The following GLIS3 variants were observed in gnomAD, a reference collection of about 807,000 sequenced individuals.
GLIS3 encodes the protein zinc finger protein GLIS3.
A neutral mutation model predicts 78.6 loss-of-function variants in GLIS3; 53 were observed. The observed-to-expected ratio is 0.67, with a 90% confidence interval of 0.54 to 0.85. The LOEUF (loss-of-function observed/expected upper bound fraction) is 0.85. Ranked by LOEUF, GLIS3 falls within the 40% of genes least tolerant of loss-of-function variation. The pLI is 0.00. For synonymous variants in GLIS3, 684 were observed against 509.9 expected, an observed-to-expected ratio of 1.34 and a Z score of -4.60; for missense variants, 1,703 against 1,231.1, an observed-to-expected ratio of 1.38 and a Z score of -5.74.
intron 2 of GLIS3, among the ~76,000 whole-genome samples, chr9:4,254,790 A>G (rs1008736278): frequency 2.0e-5 from 3 of 151,776 alleles, no homozygotes; most frequent in Non-Finnish European, 4.4e-5. Context: ...TAGTGAGCCA[A>G]GACCGTGCCA....
chr9:4,243,398 G>GCGCACA (rs556682295), intron 2 of GLIS3, among the ~76,000 whole-genome samples: 1 of 150,900 alleles, frequency 6.6e-6, no homozygotes, highest in African/African-American at 2.4e-5. Context: ...ACACATACAC[G>GCGCACA]CACACACACA....
At chr9:4,316,270 G>A (rs1817435723) in intron 2 of GLIS3, among the ~76,000 whole-genome samples, 1 of 152,192 alleles carries the variant, frequency 6.6e-6, no homozygotes, top group African/African-American at 2.4e-5. Flanking sequence ...TCCAGTGACT[G>A]CTCACATAAC....
At chr9:3,873,451 G>C (rs1213767337) in intron 8 of GLIS3, among the ~76,000 whole-genome samples, 2 of 152,102 alleles carry the variant, frequency 1.3e-5, no homozygotes, top group Admixed American at 6.5e-5. Flanking sequence ...AACATCAAGA[G>C]AATGGGCGCA....
intron 1 of GLIS3, among the ~76,000 whole-genome samples, chr9:4,347,756 G>A (rs1034078880): frequency 6.6e-6 from 1 of 151,870 alleles, no homozygotes; most frequent in South Asian, 2.1e-4. Flanking sequence ...GTGGGGGTTG[G>A]GGGAGTCTAT....
At chr9:4,124,788 T>A (rs1411784982) in intron 3 of GLIS3, among the ~76,000 whole-genome samples, 1 of 152,154 alleles carries the variant, frequency 6.6e-6, no homozygotes, top group Non-Finnish European at 1.5e-5. Flanking sequence ...CATAGCAGGT[T>A]ACAGATCCTA....
At chr9:3,882,366 T>C (rs1465253669) in intron 7 of GLIS3, among the ~76,000 whole-genome samples, 2 of 152,084 alleles carry the variant, frequency 1.3e-5, no homozygotes, top group African/African-American at 4.8e-5. Flanking sequence ...TGTACCAGAG[T>C]GGCTAAATGT....
chr9:4,271,844 C>G (rs534692480), intron 2 of GLIS3, among the ~76,000 whole-genome samples: 1 of 152,166 alleles, frequency 6.6e-6, no homozygotes, highest in Non-Finnish European at 1.5e-5. Flanking sequence ...GTTTAAGATA[C>G]AAGACTGTGG....
At chr9:4,051,107 T>A (rs1391486591) in intron 4 of GLIS3, among the ~76,000 whole-genome samples, 1 of 152,182 alleles carries the variant, frequency 6.6e-6, no homozygotes, top group Admixed American at 6.5e-5. Flanking sequence ...AAATTCTCCT[T>A]GTTCTCCCAG....
At chr9:3,842,663 T>C (rs1457619033) in intron 9 of GLIS3, among the ~76,000 whole-genome samples, 1 of 152,192 alleles carries the variant, frequency 6.6e-6, no homozygotes, top group African/African-American at 2.4e-5. Context: ...CCTTGGCATG[T>C]GTGTTGAACA....
intron 2 of GLIS3, among the ~76,000 whole-genome samples, chr9:4,235,820 T>A (rs1411019728): frequency 1.3e-5 from 2 of 152,208 alleles, no homozygotes; most frequent in South Asian, 2.1e-4. Flanking sequence ...TGGTGAAAAC[T>A]GATTAAAGAG....
At chr9:3,948,729 A>G (rs539567358) in intron 4 of GLIS3, among the ~76,000 whole-genome samples, 1 of 152,230 alleles carries the variant, frequency 6.6e-6, no homozygotes, top group Non-Finnish European at 1.5e-5. Context: ...TGGCCTTTGC[A>G]TTGAATTTAA....
chr9:4,466,616 C>G, the GLIS3 span, among the ~76,000 whole-genome samples: 1 of 152,116 alleles, frequency 6.6e-6, no homozygotes, highest in African/African-American at 2.4e-5. Context: ...ACTGGAAATG[C>G]AGGTTGGTGT....
chr9:4,198,809 G>C (rs1819102125), intron 2 of GLIS3, among the ~76,000 whole-genome samples: 1 of 152,122 alleles, frequency 6.6e-6, no homozygotes, highest in Non-Finnish European at 1.5e-5. Context: ...AAGACAGCTA[G>C]AGAAAAAGGT....
chr9:4,382,227 A>T, the GLIS3 span, among the ~76,000 whole-genome samples: 1 of 152,230 alleles, frequency 6.6e-6, no homozygotes, highest in African/African-American at 2.4e-5. Context: ...TGGAAAAATC[A>T]GGGTAAATAT....
the GLIS3 span, among the ~76,000 whole-genome samples, chr9:4,438,508 C>T: frequency 6.6e-6 from 1 of 152,116 alleles, no homozygotes; most frequent in African/African-American, 2.4e-5. Context: ...GATTTTCTCA[C>T]CTGCACTCTC....
chr9:3,998,611 G>A (rs1820906860), intron 4 of GLIS3, among the ~76,000 whole-genome samples: 1 of 151,442 alleles, frequency 6.6e-6, no homozygotes. Flanking sequence ...TATATTCAGA[G>A]CACTATGCTT....
At chr9:4,085,962 T>C (rs1010335512) in intron 4 of GLIS3, among the ~76,000 whole-genome samples, 4 of 152,214 alleles carry the variant, frequency 2.6e-5, no homozygotes, top group African/African-American at 4.8e-5. Flanking sequence ...TATTTCTTTA[T>C]AGCAACGCAA....
At chr9:4,412,309 C>T in the GLIS3 span, among the ~76,000 whole-genome samples, 3 of 152,148 alleles carry the variant, frequency 2.0e-5, no homozygotes, top group East Asian at 1.9e-4. Flanking sequence ...GTTTCTTTAA[C>T]CAAAGTTTTT....
In GLIS3 at chr9:3,955,512, T is replaced by C. The variant is rs73641235; in HGVS notation, c.1711-18323A>G. Among the ~76,000 whole-genome samples, 478 of 152,152 alleles carry C rather than the reference T, an allele frequency of 3.1e-3. 3 individuals are homozygous for C. Among genetic ancestry groups the C allele is most frequent in the Middle Eastern group, 0.017 (5 of 294 alleles). On this transcript the variant is annotated intron_variant, in intron 4 of 10. Coordinates refer to ENST00000381971, the MANE Select transcript of GLIS3 (RefSeq NM_001042413.2). The stretch of plus-strand genomic sequence containing the variant: ...GGCTGTTGTGACACCACAAGAGATA[T>C]TATATATGGTATTTTACAAACTTAA...
Sources: gnomAD v4.1 joint callset for allele counts (sites outside exome capture counted in the v4.1 genomes callset) on GRCh38, gnomAD v4.1.1 for gene constraint, MANE v1.5 for transcripts, NCBI Gene and HGNC (gene_info 2026-07-23, HGNC 2026-07-21) for gene names.